TDO2: variants seen among roughly 807,000 people sequenced by gnomAD.
TDO2 encodes the protein tryptophan 2,3-dioxygenase.
A neutral mutation model predicts 61.2 loss-of-function variants in TDO2; 63 were observed. The observed-to-expected ratio is 1.03, with a 90% CI of 0.84 to 1.27. The LOEUF is 1.27. Among genes scored for constraint, TDO2 ranks in the 50% most tolerant of loss-of-function variants. TDO2 has a pLI of 0.00. For synonymous variants in TDO2, 183 were observed against 164.0 expected (o/e 1.12, Z -0.89); for missense variants, 494 against 469.5 (o/e 1.05, Z -0.48).
rs558431838 is a variant in TDO2 at position 155,914,139 on chromosome 4, C to T, written c.727-184C>T. Among the ~76,000 whole-genome samples the T allele has an allele frequency of 1.3e-4, 20 of 152,098 alleles. No homozygotes were observed. The South Asian group carries it at 3.3e-3, about 25-fold the overall frequency. ...AAACTTAAATAAAAGGATAGAACCACTGAGTATGTGGAAGATTCCTTCTCA... is the reference window on the plus strand; with the variant it reads ...AAACTTAAATAAAAGGATAGAACCATTGAGTATGTGGAAGATTCCTTCTCA... On this transcript the variant is annotated intron_variant, in intron 7 of 11. Coordinates refer to ENST00000536354, the MANE Select transcript of TDO2 (RefSeq NM_005651.4).
At position 155,904,113 on chromosome 4, in the gene TDO2, A is replaced by G. The variant is rs767818079; in HGVS notation, c.131A>G (p.Asn44Ser). The G allele has an allele frequency of 6.2e-7, 1 of 1,613,480 alleles. No individual in the cohort carries two copies. The highest frequency in any genetic ancestry group is 8.5e-7 in the Non-Finnish European group (1 of 1,179,552). The change falls in exon 2 of 12, where the codon AAC becomes AGC. Residue 44 changes from asparagine to serine, a missense_variant. Asn to Ser is a conservative substitution (Grantham distance 46). Transcript: ENST00000536354. Reference sequence around the variant, plus strand: ...AGCAAAGGAGGTCTTATCTATGGGAACTACCTGCATGTAAGTGGCAGGGTC... The same window carrying G: ...AGCAAAGGAGGTCTTATCTATGGGAGCTACCTGCATGTAAGTGGCAGGGTC... ...RASKGGLIYG[N>S]YLHLEKVLNA...
At chr4:155,909,154 C>T (rs545191660) in intron 5 of TDO2, 140 bp downstream of exon 5, 403 of 641,486 alleles carry the variant, frequency 6.3e-4, no homozygotes, top group Non-Finnish European at 8.1e-4. Context: ...TAGGGGTCTT[C>T]GATCACAAAG....
At chr4:155,906,493 T>C (rs1054258223) in intron 3 of TDO2, 5 of 152,166 alleles carry the variant, frequency 3.3e-5, no homozygotes, top group Admixed American at 3.3e-4. Context: ...TTGAACCAAA[T>C]AGGATGCACT....
At chr4:155,918,833 C>T (rs901571561) in intron 11 of TDO2, 3 of 152,318 alleles carry the variant, frequency 2.0e-5, no homozygotes, top group Admixed American at 1.3e-4. Context: ...CATCGGGAAA[C>T]TGAAAAACTT....
intron 1 of TDO2, 94 bp downstream of exon 1, chr4:155,903,887 G>A: frequency 6.5e-7 from 1 of 1,543,702 alleles, no homozygotes; most frequent in South Asian, 1.1e-5. Flanking sequence ...ATTGAAAACT[G>A]TCACCTTTAT....
intron 3 of TDO2, chr4:155,905,684 A>G (rs13125676): frequency 0.11 from 17,113 of 152,246 alleles, 1,069 homozygotes; most frequent in South Asian, 0.19. Flanking sequence ...AAAATTATGC[A>G]CAAATTTTCA....
chr4:155,903,880 G>A, intron 1 of TDO2, 87 bp downstream of exon 1: 1 of 1,558,570 alleles, frequency 6.4e-7, no homozygotes, highest in East Asian at 2.2e-5. Context: ...AAGGAGCATT[G>A]AAAACTGTCA....
Position 155,910,043 on chromosome 4 carries a change from A to G in TDO2, c.450A>G (p.Ala150=). ...FNDFREYLSP[A]SGFQSLQFRL... ...CTCAAAGAGAGTACTTATCTCCAGC[A>G]TCAGGCTTCCAGAGTTTGCAATTCC... Residue 150 remains alanine (A), a synonymous_variant, in exon 6 of 12, where the codon GCA becomes GCG. Coordinates refer to ENST00000536354, the MANE Select transcript of TDO2 (RefSeq NM_005651.4). 1 of 1,569,416 alleles carries G rather than the reference A, an allele frequency of 6.4e-7. No individual in the cohort carries two copies.
At position 155,920,305 on chromosome 4, in the gene TDO2, T is replaced by C. The variant is rs878935078; in HGVS notation, c.*315T>C. On this transcript the variant is annotated 3_prime_UTR_variant, in exon 12 of 12. Transcript: ENST00000536354. ...GTTTCATCTTTATAAACTTGTAAAC[T>C]TCATCTATTTCAAATATTTTATGCA... The C allele has an allele frequency of 3.6e-6, 1 of 280,374 alleles. No individual in the cohort carries two copies. Among genetic ancestry groups the C allele is most frequent in the East Asian group, 9.7e-5 (1 of 10,310 alleles). 17.4% of individuals were successfully genotyped at this position (280,374 alleles called of 1,614,324 possible). A position where few individuals can be genotyped will look rare whatever the true frequency, so the allele number is the denominator to read the frequency against.
intron 2 of TDO2, 66 bp downstream of exon 2, chr4:155,904,189 T>A (rs1742677843): frequency 5.3e-6 from 6 of 1,137,922 alleles, no homozygotes; most frequent in Non-Finnish European, 7.7e-6. Flanking sequence ...CCAAGTGACT[T>A]TTTATGATTT....
intron 11 of TDO2, 62 bp from the exon 12 acceptor site, chr4:155,919,775 A>G (rs1199303762): frequency 7.0e-7 from 1 of 1,426,564 alleles, no homozygotes; most frequent in Non-Finnish European, 9.4e-7. Context: ...AAATTTTCTA[A>G]TTGAAAAATT....
At chr4:155,913,232 T>C (rs1742869574) in intron 7 of TDO2, among the ~76,000 whole-genome samples, 1 of 152,138 alleles carries the variant, frequency 6.6e-6, no homozygotes, top group African/African-American at 2.4e-5. Context: ...GTAAAGCCTT[T>C]TGATGTTACC....
At position 155,905,158 on chromosome 4, in the gene TDO2, G is replaced by GT. The variant is rs773185145; in HGVS notation, c.232+2dup. On this transcript the variant is annotated splice_donor_variant, in intron 3 of 11. Coordinates refer to ENST00000536354, the MANE Select transcript of TDO2 (RefSeq NM_005651.4). LOFTEE classifies it high-confidence loss of function. ...CATCTTTTTATCATAACTCATCAAG[G>GT]TAAGTTGCACAAAGGTTTTGGACAA... The GT allele has an allele frequency of 1.8e-5, 28 of 1,576,668 alleles. No homozygotes were observed. Among genetic ancestry groups the GT allele is most frequent in the Non-Finnish European group, 1.0e-5 (12 of 1,163,126 alleles).
rs1742764441 is a variant in TDO2 at position 155,908,768 on chromosome 4, A to G, written c.304-119A>G. The G allele has an allele frequency of 3.1e-6, 4 of 1,307,558 alleles. No homozygotes were observed. The South Asian group carries it at 4.8e-5, about 16-fold the overall frequency. The allele number at this position is 1,307,558 out of a possible 1,614,324, so 81.0% of individuals were successfully genotyped here. A position where few individuals can be genotyped will look rare whatever the true frequency, so the allele number is the denominator to read the frequency against. Reference sequence around the variant, plus strand: ...TATACTCTTTGCAAATTTTAGTTTCAAAGTTTCCCTTTAAAACCAAATTAG... The same window carrying G: ...TATACTCTTTGCAAATTTTAGTTTCGAAGTTTCCCTTTAAAACCAAATTAG... On this transcript the variant is annotated intron_variant, in intron 4 of 11. Coordinates refer to ENST00000536354, the MANE Select transcript of TDO2 (RefSeq NM_005651.4).
rs1742974530 is a variant in TDO2, at chr4:155,918,047, A to G, written c.977-102A>G. ...ATATGGCCAAGTGTTAGTTGTCAACATTTTCTCAGAAGCAATTATCATTAC... is the reference window on the plus strand; with the variant it reads ...ATATGGCCAAGTGTTAGTTGTCAACGTTTTCTCAGAAGCAATTATCATTAC... On this transcript the variant is annotated intron_variant, in intron 10 of 11. Coordinates refer to ENST00000536354, the MANE Select transcript of TDO2 (RefSeq NM_005651.4). 4.3e-6 allele frequency: 5 copies of G among 1,168,618 alleles called. No individual in the cohort carries two copies. In the African/African-American group the frequency reaches 6.1e-5, roughly 14 times the overall value. The allele number at this position is 1,168,618 out of a possible 1,614,324, so 72.4% of individuals were successfully genotyped here. A position where few individuals can be genotyped will look rare whatever the true frequency, so the allele number is the denominator to read the frequency against.
At chr4:155,908,820 C>T in intron 4 of TDO2, 67 bp from the exon 5 acceptor site, 1 of 1,488,538 alleles carries the variant, frequency 6.7e-7, no homozygotes, top group Non-Finnish European at 9.0e-7. Context: ...AATTCATTGC[C>T]ATTGTCTATT....
chr4:155,903,727 C>A lies in TDO2; in HGVS notation c.-32C>A, dbSNP rs373759588. ...ATGATAGCATCTGCCTAGAGTCAAA[C>A]CTCCGTGCTTCTCAGACAGTGCCTT... On this transcript the variant is annotated 5_prime_UTR_variant, in exon 1 of 12. Transcript: ENST00000536354. 3.3e-5 allele frequency: 53 copies of A among 1,613,938 alleles called. No individual in the cohort carries two copies. The highest frequency in any genetic ancestry group is 4.1e-5 in the Non-Finnish European group (48 of 1,179,966).
In TDO2 at chr4:155,916,333, A is replaced by C. The variant is rs1173826616; in HGVS notation, c.896+421A>C. ...CAGGCGCCCACCACCACGCCAGGCTAATTTTTTTGTATTTTTAGTAGAGAC... is the reference window on the plus strand; with the variant it reads ...CAGGCGCCCACCACCACGCCAGGCTCATTTTTTTGTATTTTTAGTAGAGAC... On this transcript the variant is annotated intron_variant, in intron 9 of 11. Coordinates refer to ENST00000536354, the MANE Select transcript of TDO2 (RefSeq NM_005651.4). Among the ~76,000 whole-genome samples the C allele has an allele frequency of 3.7e-5, 5 of 133,392 alleles. No homozygotes were observed. The Admixed American group carries it at 4.0e-4, about 11-fold the overall frequency. 87.5% of individuals were successfully genotyped at this position (133,392 alleles called of 152,430 possible).
intron 7 of TDO2, among the ~76,000 whole-genome samples, 154 bp from the exon 8 acceptor site, chr4:155,914,169 A>T (rs1429905411): frequency 6.6e-6 from 1 of 152,144 alleles, no homozygotes; most frequent in African/African-American, 2.4e-5. Context: ...TTCTCATAAG[A>T]CATAATTTCC....
Sources: gnomAD v4.1 joint callset for allele counts (sites outside exome capture counted in the v4.1 genomes callset) on GRCh38, gnomAD v4.1.1 for gene constraint, MANE v1.5 for transcripts, NCBI Gene and HGNC (gene_info 2026-07-23, HGNC 2026-07-21) for gene names.